Variants in RAPH1 observed in about 807,000 individuals in gnomAD.
The protein encoded by RAPH1 is Ras association (RalGDS/AF-6) and pleckstrin homology domains 1.
Under a neutral mutation model 88.1 loss-of-function variants are expected in RAPH1, and 18 were observed. The observed-to-expected ratio is 0.20, with a 90% CI of 0.14 to 0.30. The LOEUF (loss-of-function observed/expected upper bound fraction) is 0.30. Among genes scored for constraint, RAPH1 ranks in the 10% least tolerant of loss-of-function variants. RAPH1 has a pLI of 1.00. For missense variants in RAPH1, 1,448 were observed against 1,543.2 expected (o/e 0.94, Z 1.03); for synonymous variants, 587 against 559.0 (o/e 1.05, Z -0.71).
chr2:203,534,174 C>T (rs1486569080), intron 1 of RAPH1, among the ~76,000 whole-genome samples: 1 of 152,210 alleles, frequency 6.6e-6, no homozygotes, highest in Admixed American at 6.5e-5. Flanking sequence ...ATAAGCAGCT[C>T]TCCACATTTC....
chr2:203,521,479 A>C (rs967459608), intron 1 of RAPH1, among the ~76,000 whole-genome samples: 1 of 152,160 alleles, frequency 6.6e-6, no homozygotes, highest in African/African-American at 2.4e-5. Flanking sequence ...ACATGGCGGG[A>C]ACACCACAAA....
intron 1 of RAPH1, among the ~76,000 whole-genome samples, chr2:203,504,900 T>C (rs1688911859): frequency 1.3e-5 from 2 of 152,190 alleles, no homozygotes; most frequent in African/African-American, 4.8e-5. Flanking sequence ...GTGTCTTTGC[T>C]AAAACATAAT....
chr2:203,440,619 C>T lies in RAPH1; in HGVS notation c.2571G>A (p.Pro857=), dbSNP rs774029015. Residue 857 remains proline (P), a synonymous_variant, in exon 14 of 14, where the codon CCG becomes CCA. Coordinates refer to ENST00000319170, the MANE Select transcript of RAPH1 (RefSeq NM_213589.3). ...CTATCTGCTTCACGACCGAGGGCACCGGTGACAGTGGAGAGGGAGGGGGTT... is the reference window on the plus strand; with the variant it reads ...CTATCTGCTTCACGACCGAGGGCACTGGTGACAGTGGAGAGGGAGGGGGTT... ...CAKPPPSPLS[P]VPSVVKQIAS... 146 of 1,515,522 alleles carry T rather than the reference C, an allele frequency of 9.6e-5. No individual in the cohort carries two copies. The highest frequency in any genetic ancestry group is 3.5e-4 in the East Asian group (15 of 42,616). 93.9% of individuals were successfully genotyped at this position (1,515,522 alleles called of 1,614,324 possible).
intron 1 of RAPH1, among the ~76,000 whole-genome samples, chr2:203,502,769 G>A (rs1159645752): frequency 4.1e-5 from 6 of 146,750 alleles, no homozygotes; most frequent in Non-Finnish European, 6.0e-5. Context: ...GCAGTGAGCC[G>A]AGATCTCGCC....
Position 203,441,123 on chromosome 2 carries a change from G to A in RAPH1, c.2067C>T (p.Pro689=). 1 of 1,612,318 alleles carries A rather than the reference G, an allele frequency of 6.2e-7. No homozygotes were observed. Among genetic ancestry groups the A allele is most frequent in the South Asian group, 1.1e-5 (1 of 90,998 alleles). The change falls in exon 14 of 14, where the codon CCC becomes CCT. Residue 689 remains proline, a synonymous_variant. Transcript: ENST00000319170. ...TCACTGACTGTGACTGCATCACTGG[G>A]GGTGTTGGCGGCTTAAACAGGGCCC... ...HSGALFKPPT[P]PVMQSQSVKP... is the part of the protein sequence containing the mutation.
At chr2:203,450,232 T>G (rs959776499) in intron 10 of RAPH1, among the ~76,000 whole-genome samples, 1 of 151,872 alleles carries the variant, frequency 6.6e-6, no homozygotes, top group African/African-American at 2.4e-5. Flanking sequence ...TGGTCTACAA[T>G]GAGGGAAAAA....
At chr2:203,503,041 G>A (rs1688809748) in intron 1 of RAPH1, among the ~76,000 whole-genome samples, 1 of 152,104 alleles carries the variant, frequency 6.6e-6, no homozygotes, top group Non-Finnish European at 1.5e-5. Context: ...CTACTCGGGA[G>A]GCTGAGGCAG....
chr2:203,506,893 TATATA>T (rs1559495156), intron 1 of RAPH1, among the ~76,000 whole-genome samples: 1 of 103,010 alleles, frequency 9.7e-6, no homozygotes, highest in Non-Finnish European at 1.9e-5. Flanking sequence ...TATATATATA[TATATA>T]TTTTTTTTTT....
intron 8 of RAPH1, among the ~76,000 whole-genome samples, chr2:203,457,226 T>C (rs943048206): frequency 2.0e-5 from 3 of 152,042 alleles, no homozygotes; most frequent in Non-Finnish European, 2.9e-5. Flanking sequence ...TCTCACCCTG[T>C]TGCTAGGCTG....
At chr2:203,465,619 G>A (rs1227060381) in intron 4 of RAPH1, among the ~76,000 whole-genome samples, 2 of 152,202 alleles carry the variant, frequency 1.3e-5, no homozygotes, top group Non-Finnish European at 2.9e-5. Context: ...AAGGCATGGT[G>A]GCCCATGCCT....
intron 1 of RAPH1, among the ~76,000 whole-genome samples, chr2:203,532,243 T>C (rs1690421346): frequency 6.6e-6 from 1 of 152,212 alleles, no homozygotes; most frequent in African/African-American, 2.4e-5. Flanking sequence ...CCAGTGTGCA[T>C]GATCATAGCG....
At chr2:203,453,924 C>T (rs1199137838) in intron 10 of RAPH1, among the ~76,000 whole-genome samples, 1 of 151,760 alleles carries the variant, frequency 6.6e-6, no homozygotes, top group Admixed American at 6.6e-5. Context: ...GAAAAAAAAA[C>T]CTCCCTAAAA....
At chr2:203,482,426 T>G (rs542513373) in intron 4 of RAPH1, among the ~76,000 whole-genome samples, 1 of 152,226 alleles carries the variant, frequency 6.6e-6, no homozygotes, top group Non-Finnish European at 1.5e-5. Flanking sequence ...CCTCAGGTGA[T>G]CCGCCTGCCT....
At chr2:203,446,832 C>G (rs1185049291) in intron 12 of RAPH1, 1 of 151,264 alleles carries the variant, frequency 6.6e-6, no homozygotes, top group Admixed American at 6.6e-5. Context: ...CAGCCTTGAA[C>G]TTTTGGGCTC....
At position 203,439,900 on chromosome 2, in the gene RAPH1, G is replaced by A. The variant is rs1559438510; in HGVS notation, c.3290C>T (p.Thr1097Ile). Residue 1097 changes from threonine to isoleucine, a missense_variant, in exon 14 of 14, where the codon ACC becomes ATC. Around this residue, in one of 2 missense-constraint regions of RAPH1, gnomAD observed 935 missense variants for 890.1 expected, o/e 1.05. Coordinates refer to ENST00000319170, the MANE Select transcript of RAPH1 (RefSeq NM_213589.3). ...IEIPAVFSGN[T>I]SPKVAVVNPQ... is the part of the protein sequence containing the mutation. ...ATTAACGACTGCCACTTTTGGAGAG[G>A]TGTTTCCCGAGAAAACTGCTGGAAT... The A allele has an allele frequency of 6.2e-7, 1 of 1,613,998 alleles. No homozygotes were observed. Among genetic ancestry groups the A allele is most frequent in the East Asian group, 2.2e-5 (1 of 44,872 alleles).
chr2:203,470,731 T>C (rs2098532302), intron 4 of RAPH1, among the ~76,000 whole-genome samples: 1 of 152,252 alleles, frequency 6.6e-6, no homozygotes, highest in African/African-American at 2.4e-5. Flanking sequence ...TTAAATAGTA[T>C]ATTTCGGTTA....
At chr2:203,522,895 C>CAAAAAAAAAAAAA (rs59862473) in intron 1 of RAPH1, among the ~76,000 whole-genome samples, 1 of 85,840 alleles carries the variant, frequency 1.2e-5, no homozygotes, top group Non-Finnish European at 2.2e-5. Context: ...GACTCTGTCT[C>CAAAAAAAAAAAAA]AAAAAAAAAA....
rs2098495666 is a variant in RAPH1 at position 203,434,020 on chromosome 2, AC to A, written c.*5416del. The A allele has an allele frequency of 6.7e-6, 1 of 148,694 alleles. No individual in the cohort carries two copies. Among genetic ancestry groups the A allele is most frequent in the Admixed American group, 6.7e-5 (1 of 14,956 alleles). 9.2% of individuals were successfully genotyped at this position (148,694 alleles called of 1,614,324 possible). A position where few individuals can be genotyped will look rare whatever the true frequency, so the allele number is the denominator to read the frequency against. ...TCCTCAGAAAAACATCCTCAGTAGT[AC>A]TGAATATATCTCTCTCATATATCTA... is the stretch of plus-strand genomic sequence containing the variant. On this transcript the variant is annotated 3_prime_UTR_variant, in exon 14 of 14. Coordinates refer to ENST00000319170, the MANE Select transcript of RAPH1 (RefSeq NM_213589.3).
chr2:203,470,077 T>A (rs924951068), intron 4 of RAPH1, among the ~76,000 whole-genome samples: 2 of 152,178 alleles, frequency 1.3e-5, no homozygotes, highest in Admixed American at 6.5e-5. Flanking sequence ...TGCCTGACAG[T>A]CATTAAGATC....
Sources: allele counts gnomAD v4.1 joint callset (sites outside exome capture counted in the v4.1 genomes callset), GRCh38; gene constraint gnomAD v4.1.1; regional missense constraint gnomAD v4.1.1; transcripts MANE v1.5; gene names NCBI Gene and HGNC (gene_info 2026-07-23, HGNC 2026-07-21).